Variants in ANXA11 observed in about 807,000 individuals in gnomAD.
ANXA11 encodes 56 kDa autoantigen.
Under a neutral mutation model 64.7 loss-of-function variants are expected in ANXA11, and 57 were observed. The observed-to-expected ratio is 0.88, with a 90% CI of 0.71 to 1.10. ANXA11 has a LOEUF of 1.10. ANXA11 is among the 50% of genes least tolerant of loss of function. ANXA11 has a pLI of 0.00. For synonymous variants in ANXA11, 260 were observed against 265.2 expected, an observed-to-expected ratio of 0.98 and a Z score of 0.19; for missense variants, 675 against 670.7, an observed-to-expected ratio of 1.01 and a Z score of -0.07.
chr10:80,161,809 G>T (rs1432721362), intron 12 of ANXA11, 126 bp downstream of exon 12: 1 of 735,414 alleles, frequency 1.4e-6, no homozygotes, highest in Non-Finnish European at 2.3e-6. Context: ...CCACCAGGGG[G>T]CTCTTTTGAG....
intron 1 of ANXA11, among the ~76,000 whole-genome samples, chr10:80,203,998 A>G (rs1840562754): frequency 6.6e-6 from 1 of 152,228 alleles, no homozygotes; most frequent in Non-Finnish European, 1.5e-5. Context: ...TCTGGGATAC[A>G]CAAGTGTGGT....
At chr10:80,195,136 G>A (rs566894574) in intron 1 of ANXA11, among the ~76,000 whole-genome samples, 14 of 152,264 alleles carry the variant, frequency 9.2e-5, no homozygotes, top group Admixed American at 2.0e-4. Flanking sequence ...GCCAGTCCTC[G>A]GGGCCTGTTC....
chr10:80,190,673 G>A (rs1245470691), intron 1 of ANXA11, among the ~76,000 whole-genome samples: 11 of 151,074 alleles, frequency 7.3e-5, no homozygotes, highest in African/African-American at 2.4e-4. Flanking sequence ...TTTTAGTAGA[G>A]ACAGGGTTTC....
chr10:80,173,191 G>C (rs1160149222), intron 2 of ANXA11, among the ~76,000 whole-genome samples: 1 of 152,258 alleles, frequency 6.6e-6, no homozygotes, highest in Non-Finnish European at 1.5e-5. Flanking sequence ...CTGCTGGCAA[G>C]GGTGCAGTGC....
chr10:80,160,538 G>A (rs570898772), intron 12 of ANXA11, among the ~76,000 whole-genome samples: 115 of 152,270 alleles, frequency 7.6e-4, no homozygotes, highest in South Asian at 2.5e-3. Context: ...CAGTTGCTCC[G>A]TGTGGTCACC....
At chr10:80,184,425 C>G (rs553718431) in intron 1 of ANXA11, among the ~76,000 whole-genome samples, 3 of 152,062 alleles carry the variant, frequency 2.0e-5, no homozygotes, top group Admixed American at 6.5e-5. Context: ...TCATTGTAAC[C>G]CCATCAAAAG....
rs150399376 is a variant in ANXA11 at position 80,167,132 on chromosome 10, C to T, written c.649+94G>A. The stretch of plus-strand genomic sequence containing the variant: ...TCTATCACCACTGGGGCCAGGTCAG[C>T]GTCCCCCAGCTACCCCAGCCCACAG... On this transcript the variant is annotated intron_variant, in intron 6 of 15. Transcript: ENST00000422982. 1.7e-3 allele frequency: 2,387 copies of T among 1,368,878 alleles called. 39 individuals are homozygous for T. The African/African-American group carries it at 0.03, about 17-fold the overall frequency. 84.8% of individuals were successfully genotyped at this position (1,368,878 alleles called of 1,614,324 possible).
chr10:80,205,558 T>A (rs890751423), upstream of ANXA11: 2 of 151,864 alleles, frequency 1.3e-5, no homozygotes, highest in Admixed American at 6.5e-5. Context: ...CTGCCCCAGG[T>A]GCCAGAGGCA....
At chr10:80,157,324 C>T in intron 15 of ANXA11, 1 of 985,398 alleles carries the variant, frequency 1.0e-6, no homozygotes, top group Non-Finnish European at 1.2e-6. Flanking sequence ...GCCTTTGGGA[C>T]ATGAGTTCTC....
intron 1 of ANXA11, among the ~76,000 whole-genome samples, chr10:80,177,531 C>A (rs2132441738): frequency 6.6e-6 from 1 of 152,306 alleles, no homozygotes; most frequent in South Asian, 2.1e-4. Flanking sequence ...CCCTCTCTCT[C>A]AGCTTTGTTT....
intron 12 of ANXA11, among the ~76,000 whole-genome samples, chr10:80,161,555 T>C (rs886796609): frequency 1.1e-4 from 17 of 152,264 alleles, no homozygotes; most frequent in Admixed American, 5.2e-4. Flanking sequence ...GACTGACCCA[T>C]GCGGGAGCGC....
At chr10:80,183,965 G>C (rs527280823) in intron 1 of ANXA11, among the ~76,000 whole-genome samples, 1 of 152,292 alleles carries the variant, frequency 6.6e-6, no homozygotes, top group African/African-American at 2.4e-5. Context: ...TCCATGGAGT[G>C]AGCCACAATC....
chr10:80,202,566 G>T (rs1840478032), intron 1 of ANXA11, among the ~76,000 whole-genome samples: 1 of 151,904 alleles, frequency 6.6e-6, no homozygotes, highest in African/African-American at 2.4e-5. Flanking sequence ...TCCTATCTAG[G>T]TATCACTCAA....
At chr10:80,171,842 T>C in intron 3 of ANXA11, 1 of 985,480 alleles carries the variant, frequency 1.0e-6, no homozygotes, top group Non-Finnish European at 1.2e-6. Flanking sequence ...ATGGCAGGAT[T>C]TCTACTATAG....
rs1310142722 is a variant in ANXA11, at chr10:80,162,005, G to T, written c.1110C>A (p.Asn370Lys). The change falls in exon 12 of 16, where the codon AAC becomes AAA. Residue 370 changes from asparagine to lysine, a missense_variant. By Grantham distance (94) the Asn-to-Lys change is moderately conservative. Transcript: ENST00000422982. ...ACTTGGACTCGTCTGTTCCCAGGCG[G>T]TTCTCCCCGGCCGCATACAGCTCCT... ...DAQELYAAGE[N>K]RLGTDESKFN... The T allele has an allele frequency of 5.0e-6, 8 of 1,611,600 alleles. No homozygotes were observed. The highest frequency in any genetic ancestry group is 6.8e-6 in the Non-Finnish European group (8 of 1,179,734).
At chr10:80,191,653 G>C (rs747353370) in intron 1 of ANXA11, among the ~76,000 whole-genome samples, 1 of 152,126 alleles carries the variant, frequency 6.6e-6, no homozygotes, top group Non-Finnish European at 1.5e-5. Flanking sequence ...CATGTGTCGG[G>C]AACAGGCTCG....
chr10:80,157,790 A>C (rs1477355735), intron 14 of ANXA11, 27 bp from the exon 15 acceptor site: 1 of 1,606,206 alleles, frequency 6.2e-7, no homozygotes, highest in African/African-American at 1.3e-5. Context: ...CAAGAGCATG[A>C]GCACCAGGCC....
Position 80,157,692 on chromosome 10 carries a change from G to A in ANXA11, c.1407C>T (p.Ile469=), listed in dbSNP as rs765169730. The change falls in exon 15 of 16, where the codon ATC becomes ATT. Residue 469 remains isoleucine, a synonymous_variant. Coordinates refer to ENST00000422982, the MANE Select transcript of ANXA11 (RefSeq NM_145868.2). The part of the protein sequence containing the change: ...VSRSETDLLD[I]RSEYKRMYGK... ...CGTACATCCGCTTATACTCTGATCT[G>A]ATGTCCAGGAGGTCGGTCTCGCTGC... 6.2e-7 allele frequency: 1 copy of A among 1,614,012 alleles called. No individual in the cohort carries two copies. Among genetic ancestry groups the A allele is most frequent in the South Asian group, 1.1e-5 (1 of 91,072 alleles).
rs61860035 is a variant in ANXA11, at chr10:80,172,697, C to A, written c.55+110G>T. The A allele has an allele frequency of 5.4e-6, 6 of 1,111,822 alleles. No homozygotes were observed. In the Admixed American group the frequency reaches 1.0e-4, roughly 19 times the overall value. The allele number at this position is 1,111,822 out of a possible 1,614,324, so 68.9% of individuals were successfully genotyped here. On this transcript the variant is annotated intron_variant, in intron 3 of 15. Coordinates refer to ENST00000422982, the MANE Select transcript of ANXA11 (RefSeq NM_145868.2). ...GTTGTCCTCTCCTCCCCTGCTGGGC[C>A]GTGCTGTGAGGGGAGGAGGGGAGTG...
Sources: allele counts gnomAD v4.1 joint callset (sites outside exome capture counted in the v4.1 genomes callset), GRCh38; gene constraint gnomAD v4.1.1; transcripts MANE v1.5; gene names NCBI Gene and HGNC (gene_info 2026-07-23, HGNC 2026-07-21).